Variants in SNX27 observed in about 807,000 individuals in gnomAD.
SNX27 encodes sorting nexin-27.
A neutral mutation model predicts 71.6 loss-of-function variants in SNX27; 22 were observed. The observed-to-expected ratio is 0.31, with a 90% CI of 0.22 to 0.44. The LOEUF (loss-of-function observed/expected upper bound fraction) is 0.44, where lower values mean the gene tolerates loss of function less well. SNX27 is among the 20% of genes least tolerant of loss of function. The pLI, the probability that SNX27 is intolerant of heterozygous loss-of-function variation, is 1.00. For synonymous variants in SNX27, 269 were observed against 277.2 expected (o/e 0.97, Z 0.29); for missense variants, 531 against 698.6 (o/e 0.76, Z 2.70).
At chr1:151,673,241 A>G (rs1294240423) in intron 7 of SNX27, among the ~76,000 whole-genome samples, 1 of 152,030 alleles carries the variant, frequency 6.6e-6, no homozygotes, top group East Asian at 1.9e-4. Flanking sequence ...ATTCAGGAGT[A>G]TATTGTTTAA....
At chr1:151,643,118 C>T (rs1000244251) in intron 2 of SNX27, among the ~76,000 whole-genome samples, 1 of 151,366 alleles carries the variant, frequency 6.6e-6, no homozygotes, top group Non-Finnish European at 1.5e-5. Flanking sequence ...GCATGTGCCA[C>T]CACACCCGGC....
intron 7 of SNX27, chr1:151,676,745 A>G (rs1023458695): frequency 1.3e-5 from 2 of 152,112 alleles, no homozygotes; most frequent in Admixed American, 6.6e-5. Flanking sequence ...TTTTGTCACA[A>G]TATTTTATTT....
Position 151,693,463 on chromosome 1 carries a change from G to A in SNX27, c.1558G>A (p.Glu520Lys), listed in dbSNP as rs758007130. The A allele has an allele frequency of 5.6e-6, 9 of 1,613,964 alleles. No homozygotes were observed. The highest frequency in any genetic ancestry group is 1.7e-5 in the Admixed American group (1 of 59,992). Residue 520 changes from glutamate to lysine, a missense_variant, in exon 11 of 12, where the codon GAG becomes AAG. Glu to Lys is a moderately conservative substitution (Grantham distance 56, BLOSUM62 1). Coordinates refer to ENST00000458013, the MANE Select transcript of SNX27 (RefSeq NM_001330723.2). ...TGAGTGCTTCGAGAGGGTGTTCTGC[G>A]AGCTCAAGTGGAGAAAAGAGGTAAT... is the stretch of plus-strand genomic sequence containing the variant. ...MHECFERVFC[E>K]LKWRKENIFQ...
At chr1:151,622,094 C>CAGT (rs1418269361) in intron 1 of SNX27, among the ~76,000 whole-genome samples, 1 of 152,204 alleles carries the variant, frequency 6.6e-6, no homozygotes, top group African/African-American at 2.4e-5. Flanking sequence ...GAATGGACTA[C>CAGT]AGACTTACAG....
chr1:151,625,167 AC>A (rs1667865007), intron 1 of SNX27, among the ~76,000 whole-genome samples: 1 of 152,148 alleles, frequency 6.6e-6, no homozygotes, highest in South Asian at 2.1e-4. Flanking sequence ...TGTTATTAAT[AC>A]GCGCTTTTGC....
At chr1:151,657,261 C>T (rs1228563903) in intron 2 of SNX27, among the ~76,000 whole-genome samples, 2 of 152,132 alleles carry the variant, frequency 1.3e-5, no homozygotes, top group Non-Finnish European at 2.9e-5. Flanking sequence ...GCTTCCTCTG[C>T]CTCCTGGATT....
intron 1 of SNX27, among the ~76,000 whole-genome samples, chr1:151,637,167 T>G (rs1668499977): frequency 3.3e-5 from 3 of 91,514 alleles, no homozygotes; most frequent in African/African-American, 1.4e-4. Context: ...TTTTTGTTTT[T>G]TTGTTTTTTT....
At position 151,612,799 on chromosome 1, in the gene SNX27, C is replaced by T. The variant is rs1298580066; in HGVS notation, c.311+287C>T. ...CCGATTACTCTGGGCTCTTCTCCGC[C>T]CCTTTGCCTTCCCGTTTGGCGTGCT... is the stretch of plus-strand genomic sequence containing the variant. On this transcript the variant is annotated intron_variant, in intron 1 of 11. Coordinates refer to ENST00000458013, the MANE Select transcript of SNX27 (RefSeq NM_001330723.2). The surrounding 1 kb of genome is among the most constrained non-coding windows in gnomAD (Gnocchi z 5.2). Among the ~76,000 whole-genome samples the T allele has an allele frequency of 6.6e-6, 1 of 152,152 alleles. No individual in the cohort carries two copies. Among genetic ancestry groups the T allele is most frequent in the Non-Finnish European group, 1.5e-5 (1 of 68,028 alleles).
intron 2 of SNX27, among the ~76,000 whole-genome samples, chr1:151,639,874 T>C (rs1668648192): frequency 6.6e-6 from 1 of 152,216 alleles, no homozygotes; most frequent in Admixed American, 6.5e-5. Flanking sequence ...TGTGGAGTGT[T>C]GATATAATGA....
At chr1:151,622,674 A>G (rs1055759320) in intron 1 of SNX27, among the ~76,000 whole-genome samples, 8 of 152,220 alleles carry the variant, frequency 5.3e-5, no homozygotes, top group Non-Finnish European at 1.0e-4. Context: ...GTGTTGGGAA[A>G]TAATTTAGGA....
At chr1:151,693,737 C>T (rs1161821694) in intron 11 of SNX27, 1 of 1,577,464 alleles carries the variant, frequency 6.3e-7, no homozygotes, top group East Asian at 2.2e-5. Flanking sequence ...GCTCTTCCAT[C>T]TCTCATGACT....
intron 7 of SNX27, among the ~76,000 whole-genome samples, chr1:151,671,199 A>G (rs538130356): frequency 6.7e-6 from 1 of 148,964 alleles, no homozygotes; most frequent in South Asian, 2.1e-4. Context: ...CTGTAGTATA[A>G]TTTGAAGTCA....
At chr1:151,684,272 C>T (rs1030461201) in intron 8 of SNX27, among the ~76,000 whole-genome samples, 2 of 152,100 alleles carry the variant, frequency 1.3e-5, no homozygotes, top group African/African-American at 4.8e-5. Flanking sequence ...AATTTAAATT[C>T]ATTTAAATTA....
At chr1:151,615,413 TGA>T (rs1186371342) in intron 1 of SNX27, among the ~76,000 whole-genome samples, 2 of 151,976 alleles carry the variant, frequency 1.3e-5, no homozygotes, top group African/African-American at 2.4e-5. Flanking sequence ...GGGTTTCAAG[TGA>T]GAGGGGAAAT....
intron 7 of SNX27, among the ~76,000 whole-genome samples, chr1:151,680,657 A>G (rs1418552406): frequency 6.6e-6 from 1 of 152,208 alleles, no homozygotes; most frequent in Non-Finnish European, 1.5e-5. Flanking sequence ...CAGTATTCTT[A>G]TATTCTTATT....
At chr1:151,686,265 G>T (rs1671189099) in intron 8 of SNX27, among the ~76,000 whole-genome samples, 1 of 152,112 alleles carries the variant, frequency 6.6e-6, no homozygotes. Context: ...CATATTTGTT[G>T]AGTACCAAGT....
At chr1:151,639,966 A>G (rs1394826028) in intron 2 of SNX27, among the ~76,000 whole-genome samples, 6 of 152,230 alleles carry the variant, frequency 3.9e-5, no homozygotes, top group Non-Finnish European at 8.8e-5. Flanking sequence ...AAAGCTTAAC[A>G]GTTGACTAAA....
At chr1:151,684,788 C>T (rs1671118679) in intron 8 of SNX27, among the ~76,000 whole-genome samples, 1 of 152,022 alleles carries the variant, frequency 6.6e-6, no homozygotes, top group Non-Finnish European at 1.5e-5. Flanking sequence ...TAACACAAAG[C>T]CCAGTTTAGA....
intron 1 of SNX27, among the ~76,000 whole-genome samples, chr1:151,625,737 A>G (rs1252366672): frequency 1.3e-5 from 2 of 149,054 alleles, no homozygotes; most frequent in Admixed American, 1.4e-4. Context: ...GTGATTCGAG[A>G]CCACACCAGT....
Sources: allele counts gnomAD v4.1 joint callset (sites outside exome capture counted in the v4.1 genomes callset), GRCh38; gene constraint gnomAD v4.1.1; non-coding constraint Gnocchi (gnomAD v3.1); transcripts MANE v1.5; gene names NCBI Gene and HGNC (gene_info 2026-07-23, HGNC 2026-07-21).